MTUS1: variants seen among roughly 807,000 people sequenced by gnomAD.
The protein encoded by MTUS1 is microtubule-associated tumor suppressor 1.
In MTUS1, 109 loss-of-function variants were observed where a neutral mutation model predicts 120.8. That is an observed-to-expected ratio of 0.90 (90% CI 0.77 to 1.06). The LOEUF is 1.06. Ranked by LOEUF, MTUS1 falls within the 50% of genes least tolerant of loss-of-function variation. The pLI is 0.00. For missense variants in MTUS1, 2,210 were observed against 1,486.3 expected (o/e 1.49, Z -8.01); for synonymous variants, 737 against 550.5 (o/e 1.34, Z -4.74).
intron 1 of MTUS1, among the ~76,000 whole-genome samples, chr8:17,787,643 C>A (rs113774137): frequency 0.027 from 4,093 of 152,314 alleles, 192 homozygotes; most frequent in African/African-American, 0.093. Context: ...TCATTTTCCT[C>A]ATGGACAAAA....
intron 1 of MTUS1, among the ~76,000 whole-genome samples, chr8:17,777,728 T>C (rs1352308982): frequency 6.6e-6 from 1 of 152,160 alleles, no homozygotes; most frequent in Non-Finnish European, 1.5e-5. Context: ...TTGTCCCTAT[T>C]TGCTTGAATT....
chr8:17,740,951 C>T (rs1280702428), intron 3 of MTUS1, among the ~76,000 whole-genome samples: 1 of 152,146 alleles, frequency 6.6e-6, no homozygotes, highest in Non-Finnish European at 1.5e-5. Flanking sequence ...CTGCAACCTC[C>T]GCCTCCTGGG....
intron 1 of MTUS1, among the ~76,000 whole-genome samples, chr8:17,786,153 CA>C (rs2051286641): frequency 6.6e-6 from 1 of 151,556 alleles, no homozygotes; most frequent in South Asian, 2.1e-4. Flanking sequence ...AAAAAACAAA[CA>C]AAAAAAAGCA....
intron 1 of MTUS1, among the ~76,000 whole-genome samples, chr8:17,789,422 G>T (rs2051583874): frequency 6.6e-6 from 1 of 151,124 alleles, no homozygotes; most frequent in East Asian, 2.0e-4. Flanking sequence ...TAGATCGCGT[G>T]GGCAGGGCAG....
At chr8:17,731,396 G>C (rs773552153) in intron 3 of MTUS1, among the ~76,000 whole-genome samples, 1 of 152,080 alleles carries the variant, frequency 6.6e-6, no homozygotes, top group Non-Finnish European at 1.5e-5. Context: ...GTTCTTGTGA[G>C]AATTAAATGA....
At chr8:17,792,542 G>GC (rs2051880598) in intron 1 of MTUS1, among the ~76,000 whole-genome samples, 1 of 152,164 alleles carries the variant, frequency 6.6e-6, no homozygotes, top group African/African-American at 2.4e-5. Context: ...AAATCCCTTT[G>GC]CAGAGGTGCC....
intron 6 of MTUS1, among the ~76,000 whole-genome samples, chr8:17,696,177 T>C (rs1168541190): frequency 6.6e-6 from 1 of 152,008 alleles, no homozygotes; most frequent in African/African-American, 2.4e-5. Flanking sequence ...CCTCCCCCCA[T>C]TTACCGTCAG....
intron 1 of MTUS1, among the ~76,000 whole-genome samples, chr8:17,764,534 C>T (rs953425202): frequency 6.6e-6 from 1 of 152,176 alleles, no homozygotes; most frequent in Non-Finnish European, 1.5e-5. Flanking sequence ...TTATATCTTC[C>T]CCAGGTCTGC....
chr8:17,789,186 C>T (rs146229181), intron 1 of MTUS1, among the ~76,000 whole-genome samples: 1 of 152,192 alleles, frequency 6.6e-6, no homozygotes, highest in African/African-American at 2.4e-5. Flanking sequence ...GAATGAGCCA[C>T]CTCACCTGGC....
intron 14 of MTUS1, 64 bp downstream of exon 14, chr8:17,646,918 G>C (rs1805912601): frequency 8.1e-7 from 1 of 1,234,460 alleles, no homozygotes; most frequent in Non-Finnish European, 1.2e-6. Flanking sequence ...AGCGTGTCCA[G>C]AAAGTACACT....
chr8:17,694,293 C>G (rs984316254), intron 6 of MTUS1, among the ~76,000 whole-genome samples: 1 of 152,158 alleles, frequency 6.6e-6, no homozygotes, highest in Non-Finnish European at 1.5e-5. Flanking sequence ...GTGGTAAAAA[C>G]AAATCAAGAT....
intron 6 of MTUS1, among the ~76,000 whole-genome samples, chr8:17,712,843 G>A (rs1166483101): frequency 6.6e-6 from 1 of 151,922 alleles, no homozygotes. Flanking sequence ...TAAAAATATA[G>A]GCTGCTGAAC....
intron 1 of MTUS1, among the ~76,000 whole-genome samples, chr8:17,761,717 C>T (rs556925708): frequency 1.3e-5 from 2 of 152,196 alleles, no homozygotes; most frequent in South Asian, 2.1e-4. Context: ...TTTATAACCA[C>T]ACAGAATGTA....
chr8:17,684,336 G>T lies in MTUS1; in HGVS notation c.2830C>A (p.Leu944Met), dbSNP rs1220426383. The T allele has an allele frequency of 6.2e-7, 1 of 1,613,502 alleles. No individual in the cohort carries two copies. The highest frequency in any genetic ancestry group is 8.5e-7 in the Non-Finnish European group (1 of 1,179,526). Residue 944 changes from leucine to methionine, a missense_variant, in exon 7 of 15, where the codon CTG becomes ATG. By Grantham distance (15) the Leu-to-Met change is conservative. Transcript: ENST00000693296. ...AGGATGCACCTCCTTACCTCAGACA[G>T]CAGGTGCTGAATCACAACTGTCAAT... Reference protein sequence around the residue: ...EALTVVIQHLLSEREEALKQH... With the variant: ...EALTVVIQHLMSEREEALKQH...
At chr8:17,652,234 GA>G (rs753828012) in intron 12 of MTUS1, among the ~76,000 whole-genome samples, 8 of 152,200 alleles carry the variant, frequency 5.3e-5, no homozygotes, top group Admixed American at 2.0e-4. Context: ...TGTGCCACAA[GA>G]AATTTCAGCT....
At chr8:17,649,295 G>A (rs1277084174) in intron 13 of MTUS1, among the ~76,000 whole-genome samples, 1 of 152,012 alleles carries the variant, frequency 6.6e-6, no homozygotes, top group Non-Finnish European at 1.5e-5. Flanking sequence ...GACCTCAAGT[G>A]ACCCACCCAT....
intron 1 of MTUS1, among the ~76,000 whole-genome samples, chr8:17,798,868 A>T (rs1359775075): frequency 6.6e-6 from 1 of 152,238 alleles, no homozygotes; most frequent in African/African-American, 2.4e-5. Context: ...TAATGGAAAA[A>T]TACTAATATC....
At chr8:17,751,972 T>G (rs2048235009) in intron 2 of MTUS1, among the ~76,000 whole-genome samples, 1 of 152,022 alleles carries the variant, frequency 6.6e-6, no homozygotes, top group Admixed American at 6.6e-5. Flanking sequence ...TACAAAGTAT[T>G]TCATATCTAA....
In MTUS1 at chr8:17,753,919, A is replaced by T; in HGVS notation, c.1889T>A (p.Val630Asp). The change falls in exon 2 of 15, where the codon GTT becomes GAT. Residue 630 changes from valine to aspartate, a missense_variant. Val to Asp is a radical substitution (Grantham distance 152, BLOSUM62 -3). Coordinates refer to ENST00000693296, the MANE Select transcript of MTUS1 (RefSeq NM_001363059.2). ...TTTGATCTTCTGAAACAACGCAGAA[A>T]CGGACCCGGTCTCGCATGCTGAGTT... Reference protein sequence around the residue: ...SSNSACETGSVSALFQKIKGI... With the variant: ...SSNSACETGSDSALFQKIKGI... The T allele has an allele frequency of 6.2e-7, 1 of 1,614,158 alleles. No individual in the cohort carries two copies. Among genetic ancestry groups the T allele is most frequent in the Non-Finnish European group, 8.5e-7 (1 of 1,180,040 alleles).
Sources: gnomAD v4.1 joint callset for allele counts (sites outside exome capture counted in the v4.1 genomes callset) on GRCh38, gnomAD v4.1.1 for gene constraint, MANE v1.5 for transcripts, NCBI Gene and HGNC (gene_info 2026-07-23, HGNC 2026-07-21) for gene names.